MYO9A: variants seen among roughly 807,000 people sequenced by gnomAD.
The protein encoded by MYO9A is unconventional myosin-IXa.
In MYO9A, 103 loss-of-function variants were observed where a neutral mutation model predicts 293.3. That is an observed-to-expected ratio of 0.35 (90% CI 0.30 to 0.41). The LOEUF (loss-of-function observed/expected upper bound fraction) is 0.41. MYO9A is among the 10% of genes least tolerant of loss of function. The pLI is 1.00. For synonymous variants in MYO9A, 1,001 were observed against 1,035.7 expected, an observed-to-expected ratio of 0.97 and a Z score of 0.64; for missense variants, 2,685 against 3,033.0, an observed-to-expected ratio of 0.89 and a Z score of 2.69.
intron 3 of MYO9A, 100 bp downstream of exon 3, chr15:72,032,394 C>G: frequency 1.4e-6 from 1 of 701,326 alleles, no homozygotes. Flanking sequence ...TTAATGCTGA[C>G]ACCAATGTCT....
At chr15:71,900,068 A>G (rs1421016208) in intron 23 of MYO9A, 62 bp from the exon 24 acceptor site, 10 of 1,399,446 alleles carry the variant, frequency 7.1e-6, no homozygotes, top group Non-Finnish European at 9.6e-6. Context: ...TTTCACAGGA[A>G]AAAAAGAGAA....
intron 3 of MYO9A, among the ~76,000 whole-genome samples, chr15:72,030,255 T>G (rs541928886): frequency 6.6e-6 from 1 of 152,196 alleles, no homozygotes; most frequent in Non-Finnish European, 1.5e-5. Context: ...CACAACCACC[T>G]TGCGTGGCAA....
At chr15:72,098,469 T>A (rs576396444) in intron 1 of MYO9A, among the ~76,000 whole-genome samples, 1 of 152,190 alleles carries the variant, frequency 6.6e-6, no homozygotes, top group South Asian at 2.1e-4. Flanking sequence ...AATATACTCC[T>A]AAATAATATA....
At chr15:71,949,858 G>A (rs1450949429) in intron 15 of MYO9A, among the ~76,000 whole-genome samples, 1 of 151,600 alleles carries the variant, frequency 6.6e-6, no homozygotes, top group African/African-American at 2.4e-5. Context: ...TGGTGGTGGT[G>A]GTTTTCTATC....
intron 10 of MYO9A, 125 bp downstream of exon 10, chr15:71,994,341 AAAT>A (rs1250671548): frequency 1.8e-6 from 1 of 541,248 alleles, no homozygotes; most frequent in Middle Eastern, 4.7e-4. Context: ...ACAGGGTAAT[AAAT>A]AACAAATAAA....
intron 12 of MYO9A, among the ~76,000 whole-genome samples, chr15:71,977,901 G>C (rs2076182586): frequency 6.6e-6 from 1 of 152,136 alleles, no homozygotes; most frequent in South Asian, 2.1e-4. Flanking sequence ...GCCAGGCATG[G>C]TGGCGGGCAC....
chr15:71,936,921 T>G (rs1381861325), intron 16 of MYO9A, among the ~76,000 whole-genome samples: 5 of 138,328 alleles, frequency 3.6e-5, no homozygotes, highest in South Asian at 2.3e-4. Context: ...CAAAAATGAG[T>G]GGTACTCTGG....
chr15:71,924,575 T>TAAAA (rs2058242568), intron 18 of MYO9A, among the ~76,000 whole-genome samples: 1 of 152,130 alleles, frequency 6.6e-6, no homozygotes, highest in Admixed American at 6.5e-5. Context: ...TATTGAGACT[T>TAAAA]GTTTTGTGGC....
chr15:72,039,699 C>G (rs999540338), intron 2 of MYO9A, among the ~76,000 whole-genome samples: 59 of 152,152 alleles, frequency 3.9e-4, no homozygotes, highest in African/African-American at 1.4e-3. Flanking sequence ...TGTGGTGGCG[C>G]ACACCTATAG....
chr15:71,941,968 T>C (rs919615134), intron 15 of MYO9A, among the ~76,000 whole-genome samples: 1 of 151,996 alleles, frequency 6.6e-6, no homozygotes, highest in African/African-American at 2.4e-5. Context: ...GTCTGCAAAA[T>C]GACTCAAAAA....
intron 40 of MYO9A, among the ~76,000 whole-genome samples, chr15:71,828,264 G>C (rs889939851): frequency 3.9e-5 from 6 of 152,162 alleles, no homozygotes; most frequent in African/African-American, 1.4e-4. Context: ...GGTAAGGGTA[G>C]GGTGAAGAAA....
At chr15:71,991,057 G>A in intron 11 of MYO9A, 46 bp downstream of exon 11, 1 of 1,433,522 alleles carries the variant, frequency 7.0e-7, no homozygotes, top group Non-Finnish European at 9.3e-7. Flanking sequence ...ATGACTCAAA[G>A]ATATGTGTGA....
In MYO9A at chr15:71,933,688, G is replaced by A. The variant is rs1189485989; in HGVS notation, c.2544C>T (p.Ser848=). The change falls in exon 18 of 42, where the codon TCC becomes TCT. Residue 848 remains serine, a synonymous_variant. Transcript: ENST00000356056. ...GILTRNKNFK[S]KPALPKHLLE... Reference sequence around the variant, plus strand: ...TACTCACCTTTGGAAGGGCAGGCTTGGATTTGAAATTTTTGTTTCTCCTAT... The same window carrying A: ...TACTCACCTTTGGAAGGGCAGGCTTAGATTTGAAATTTTTGTTTCTCCTAT... 1 of 1,603,654 alleles carries A rather than the reference G, an allele frequency of 6.2e-7. No homozygotes were observed. The highest frequency in any genetic ancestry group is 1.3e-5 in the African/African-American group (1 of 74,172).
chr15:72,029,264 G>A (rs1016120573), intron 3 of MYO9A, among the ~76,000 whole-genome samples: 5 of 152,152 alleles, frequency 3.3e-5, no homozygotes, highest in Non-Finnish European at 5.9e-5. Context: ...AATTAGTTAC[G>A]TATCACTTAA....
intron 38 of MYO9A, among the ~76,000 whole-genome samples, chr15:71,849,471 A>T (rs2055539198): frequency 6.6e-6 from 1 of 152,126 alleles, no homozygotes; most frequent in African/African-American, 2.4e-5. Context: ...TAATTAATTA[A>T]TTAAAAATAA....
intron 1 of MYO9A, among the ~76,000 whole-genome samples, chr15:72,048,792 A>G (rs550912603): frequency 6.6e-6 from 1 of 152,354 alleles, no homozygotes; most frequent in East Asian, 1.9e-4. Context: ...TTGACTTTAC[A>G]GATTAATATT....
Position 71,898,495 on chromosome 15 carries a change from A to G in MYO9A, c.4008T>C (p.Tyr1336=), listed in dbSNP as rs2143174499. The change falls in exon 25 of 42, where the codon TAT becomes TAC. Residue 1336 remains tyrosine, a synonymous_variant. Transcript: ENST00000356056. ...CTAGTTTGCTCTTTTGGCTTTCCTC[A>G]TAGCTCAGAAGTTCCAAGCTTCCTT... ...SSQGSLELLS[Y]EESQKSKLES... 6.2e-7 allele frequency: 1 copy of G among 1,613,984 alleles called. No homozygotes were observed. Among genetic ancestry groups the G allele is most frequent in the Non-Finnish European group, 8.5e-7 (1 of 1,180,004 alleles).
rs139103526 is a variant in MYO9A at position 71,921,037 on chromosome 15, CAAGG to C, written c.2563-4549_2563-4546del. Among the ~76,000 whole-genome samples, 857 of 152,088 alleles carry C rather than the reference CAAGG, an allele frequency of 5.6e-3. 12 individuals are homozygous for C. Among genetic ancestry groups the C allele is most frequent in the African/African-American group, 0.02 (811 of 41,474 alleles). ...ATTAGTTTGAGCATGAATTTTGAGA[CAAGG>C]AAGATATCAAAGTACAAATATATAA... On this transcript the variant is annotated intron_variant, in intron 18 of 41. Transcript: ENST00000356056.
intron 14 of MYO9A, among the ~76,000 whole-genome samples, chr15:71,956,357 C>G (rs1174409792): frequency 1.7e-5 from 1 of 59,074 alleles, no homozygotes; most frequent in African/African-American, 5.5e-5. Flanking sequence ...ATATAAAATA[C>G]GCCCAGCGTG....
Sources: gnomAD v4.1 joint callset for allele counts (sites outside exome capture counted in the v4.1 genomes callset) on GRCh38, gnomAD v4.1.1 for gene constraint, MANE v1.5 for transcripts, NCBI Gene and HGNC (gene_info 2026-07-23, HGNC 2026-07-21) for gene names.